KMT2C: variants seen among roughly 807,000 people sequenced by gnomAD.
KMT2C encodes lysine methyltransferase 2C.
A neutral mutation model predicts 507.9 loss-of-function variants in KMT2C; 88 were observed. The ratio of observed to expected loss-of-function variants is 0.17; its 90% CI spans 0.15 to 0.21. The LOEUF is 0.21. Ranked by LOEUF, KMT2C falls within the 10% of genes least tolerant of loss-of-function variation. The probability of loss-of-function intolerance (pLI) is 1.00; values close to 1 mark genes in which losing one functional copy is unlikely to be tolerated. For missense variants in KMT2C, 4,954 were observed against 5,957.8 expected, an observed-to-expected ratio of 0.83 and a Z score of 5.55; for synonymous variants, 2,049 against 2,080.8, an observed-to-expected ratio of 0.98 and a Z score of 0.42.
intron 26 of KMT2C, among the ~76,000 whole-genome samples, chr7:152,199,807 C>T (rs10241360): frequency 0.042 from 6,362 of 152,128 alleles, 458 homozygotes; most frequent in African/African-American, 0.14. Context: ...CTTTGATCTA[C>T]GGCTTTAATA....
chr7:152,408,243 G>C (rs898837961), intron 1 of KMT2C, among the ~76,000 whole-genome samples: 1 of 151,542 alleles, frequency 6.6e-6, no homozygotes, highest in East Asian at 2.0e-4. Flanking sequence ...AGCCAAAATC[G>C]TGCCACTGCA....
At chr7:152,321,632 C>T (rs1589172545) in intron 3 of KMT2C, among the ~76,000 whole-genome samples, 2 of 151,824 alleles carry the variant, frequency 1.3e-5, no homozygotes, top group Admixed American at 6.6e-5. Flanking sequence ...TAACAGCAAA[C>T]GATCCTAAAA....
intron 50 of KMT2C, 105 bp downstream of exon 50, chr7:152,151,337 T>A: frequency 9.2e-6 from 11 of 1,201,252 alleles, no homozygotes; most frequent in Non-Finnish European, 1.3e-5. Context: ...CATGTGTCCA[T>A]CACACCACCA....
chr7:152,276,746 C>A (rs928971960), intron 6 of KMT2C, among the ~76,000 whole-genome samples: 1 of 150,866 alleles, frequency 6.6e-6, no homozygotes, highest in East Asian at 1.9e-4. Context: ...AAAGTGAGAA[C>A]CAGTCTATAA....
At chr7:152,431,153 C>T (rs2097859114) in intron 1 of KMT2C, among the ~76,000 whole-genome samples, 1 of 151,860 alleles carries the variant, frequency 6.6e-6, no homozygotes, top group African/African-American at 2.4e-5. Flanking sequence ...TTTTATATTT[C>T]CATGGAAATC....
rs376527780 is a variant in KMT2C, at chr7:152,145,331, T to C, written c.14032-36A>G. On this transcript the variant is annotated intron_variant, in intron 53 of 58. Coordinates refer to ENST00000262189, the MANE Select transcript of KMT2C (RefSeq NM_170606.3). Reference sequence around the variant, plus strand: ...GCAAAGCAGACACAAAGTCACCCCATCTGATGGAGACTACAGACAATCTCA... The same window carrying C: ...GCAAAGCAGACACAAAGTCACCCCACCTGATGGAGACTACAGACAATCTCA... 133 of 1,606,456 alleles carry C rather than the reference T, an allele frequency of 8.3e-5. No individual in the cohort carries two copies. In the African/African-American group the frequency reaches 1.5e-3, roughly 18 times the overall value.
At chr7:152,337,297 A>C (rs2096944280) in intron 2 of KMT2C, among the ~76,000 whole-genome samples, 1 of 152,172 alleles carries the variant, frequency 6.6e-6, no homozygotes, top group Non-Finnish European at 1.5e-5. Context: ...AAGAGAACCT[A>C]ATCACATGTA....
Position 152,149,022 on chromosome 7 carries a change from G to A in KMT2C, c.12905C>T (p.Pro4302Leu), listed in dbSNP as rs1301639861. ...AGGGAAGGCGATGGGTGGTGAGGCA[G>A]GGGGAGAAGCTTTCTCTGGGAGCTG... ...LPQLPEKASPPASPPIAFPPA... is the reference protein window; with the variant it reads ...LPQLPEKASPLASPPIAFPPA... Residue 4302 changes from proline to leucine, a missense_variant, in exon 52 of 59, where the codon CCT becomes CTT. Around this residue, in one of 29 missense-constraint regions of KMT2C, gnomAD observed 417 missense variants for 461.1 expected, o/e 0.90. Transcript: ENST00000262189. 2 of 1,541,858 alleles carry A rather than the reference G, an allele frequency of 1.3e-6. No homozygotes were observed. Among genetic ancestry groups the A allele is most frequent in the Non-Finnish European group, 1.7e-6 (2 of 1,148,764 alleles).
chr7:152,207,863 C>G (rs2094349928), intron 23 of KMT2C, among the ~76,000 whole-genome samples: 1 of 152,138 alleles, frequency 6.6e-6, no homozygotes, highest in African/African-American at 2.4e-5. Context: ...CCCATGTTAC[C>G]TATCATCATT....
intron 7 of KMT2C, among the ~76,000 whole-genome samples, chr7:152,266,097 C>A: frequency 6.6e-6 from 1 of 152,232 alleles, no homozygotes; most frequent in Non-Finnish European, 1.5e-5. Context: ...GTATATGAAT[C>A]TTTTCATTTT....
chr7:152,364,990 T>G (rs552422101), intron 1 of KMT2C, among the ~76,000 whole-genome samples: 1 of 151,630 alleles, frequency 6.6e-6, no homozygotes, highest in Non-Finnish European at 1.5e-5. Context: ...AGGTACTTTA[T>G]AGTCAAATTG....
intron 7 of KMT2C, among the ~76,000 whole-genome samples, chr7:152,269,991 T>C (rs566291979): frequency 2.8e-4 from 42 of 152,222 alleles, no homozygotes; most frequent in African/African-American, 8.7e-4. Flanking sequence ...AGACAACACA[T>C]AAGAATAAAA....
chr7:152,324,371 A>G (rs1335512499), intron 3 of KMT2C, among the ~76,000 whole-genome samples: 1 of 151,728 alleles, frequency 6.6e-6, no homozygotes, highest in Non-Finnish European at 1.5e-5. Flanking sequence ...ATGTTAATTT[A>G]CTTGATTCAA....
intron 1 of KMT2C, among the ~76,000 whole-genome samples, chr7:152,413,465 T>C (rs1335425777): frequency 6.6e-6 from 1 of 152,170 alleles, no homozygotes; most frequent in East Asian, 1.9e-4. Flanking sequence ...AATGTGAAAT[T>C]ATGTTAAATA....
At chr7:152,425,759 T>G (rs1057299818) in intron 1 of KMT2C, among the ~76,000 whole-genome samples, 1 of 152,170 alleles carries the variant, frequency 6.6e-6, no homozygotes, top group Non-Finnish European at 1.5e-5. Flanking sequence ...GAAATTCTTT[T>G]TTTGCTAGGC....
At chr7:152,246,231 T>A (rs549267580) in intron 14 of KMT2C, among the ~76,000 whole-genome samples, 2,007 of 152,212 alleles carry the variant, frequency 0.013, 14 homozygotes, top group Non-Finnish European at 0.021. Context: ...GTTTGCTAGA[T>A]AACTAAAACC....
intron 1 of KMT2C, among the ~76,000 whole-genome samples, chr7:152,432,131 TAAAG>T (rs2097868067): frequency 6.6e-6 from 1 of 152,202 alleles, no homozygotes; most frequent in Non-Finnish European, 1.5e-5. Context: ...GTTCAGGGTA[TAAAG>T]AGTTTACTCA....
intron 1 of KMT2C, among the ~76,000 whole-genome samples, chr7:152,410,989 C>A (rs999730949): frequency 3.3e-5 from 5 of 151,440 alleles, no homozygotes; most frequent in Non-Finnish European, 7.4e-5. Flanking sequence ...GATGACAGAG[C>A]GAGACCAAGT....
Position 152,163,722 on chromosome 7 carries a change from C to T in KMT2C, c.9855G>A (p.Gln3285=), listed in dbSNP as rs1377868565. ...CACCTGGAATTAGGGGTGGCTGGGGCTGGACACTGGGCATCATGGTAGGTG... is the reference window on the plus strand; with the variant it reads ...CACCTGGAATTAGGGGTGGCTGGGGTTGGACACTGGGCATCATGGTAGGTG... The part of the protein sequence containing the change: ...MAPPTMMPSV[Q]PQPPLIPGAT... The change falls in exon 43 of 59, where the codon CAG becomes CAA. Residue 3285 remains glutamine, a synonymous_variant. Coordinates refer to ENST00000262189, the MANE Select transcript of KMT2C (RefSeq NM_170606.3). 1 of 1,614,160 alleles carries T rather than the reference C, an allele frequency of 6.2e-7. No individual in the cohort carries two copies. Among genetic ancestry groups the T allele is most frequent in the Non-Finnish European group, 8.5e-7 (1 of 1,180,034 alleles).
Sources: gnomAD v4.1 joint callset for allele counts (sites outside exome capture counted in the v4.1 genomes callset) on GRCh38, gnomAD v4.1.1 for gene constraint, gnomAD v4.1.1 regional missense constraint, MANE v1.5 for transcripts, NCBI Gene and HGNC (gene_info 2026-07-23, HGNC 2026-07-21) for gene names.